Variants in HEMK2 observed in about 807,000 individuals in gnomAD.
HEMK2 encodes HemK methyltransferase 2, ETF1 glutamine and histone H4 lysine, also known as methyltransferase HEMK2.
At chr21:28,586,109 G>A in the HEMK2 span, among the ~76,000 whole-genome samples, 2 of 152,182 alleles carry the variant, frequency 1.3e-5, no homozygotes, top group Non-Finnish European at 2.9e-5. Context: ...GTGGGATAGA[G>A]AAATGGTGCA....
the HEMK2 span, among the ~76,000 whole-genome samples, chr21:28,675,560 T>C: frequency 5.3e-5 from 8 of 152,322 alleles, no homozygotes; most frequent in Middle Eastern, 3.4e-3. Flanking sequence ...GGGAACATTT[T>C]AACCTTGCTC....
the HEMK2 span, among the ~76,000 whole-genome samples, chr21:28,578,415 G>C: frequency 6.6e-6 from 1 of 152,160 alleles, no homozygotes; most frequent in African/African-American, 2.4e-5. Context: ...GGGGATGGTT[G>C]AACATCCAAC....
At chr21:28,837,001 C>T in the HEMK2 span, among the ~76,000 whole-genome samples, 13 of 152,082 alleles carry the variant, frequency 8.5e-5, no homozygotes, top group Admixed American at 8.5e-4. Flanking sequence ...AATCATAAAT[C>T]TGAAAATATA....
the HEMK2 span, among the ~76,000 whole-genome samples, chr21:28,817,298 T>C: frequency 6.6e-6 from 1 of 152,186 alleles, no homozygotes; most frequent in Non-Finnish European, 1.5e-5. Flanking sequence ...TTACCCTTTC[T>C]GAAATAGTTT....
chr21:28,882,587 G>T, the HEMK2 span, among the ~76,000 whole-genome samples: 5 of 142,166 alleles, frequency 3.5e-5, no homozygotes, highest in African/African-American at 1.0e-4. Flanking sequence ...TTTATGAGAC[G>T]AAATTAAATT....
chr21:28,794,244 A>G, the HEMK2 span, among the ~76,000 whole-genome samples: 1 of 152,238 alleles, frequency 6.6e-6, no homozygotes, highest in Non-Finnish European at 1.5e-5. Context: ...ACAATTTTCA[A>G]AGGTATTTTG....
At chr21:28,793,182 G>A in the HEMK2 span, among the ~76,000 whole-genome samples, 1 of 152,202 alleles carries the variant, frequency 6.6e-6, no homozygotes, top group East Asian at 1.9e-4. Flanking sequence ...GCCTTCTGAA[G>A]TGATGGTCTT....
chr21:28,797,272 GA>G, the HEMK2 span, among the ~76,000 whole-genome samples: 1 of 152,032 alleles, frequency 6.6e-6, no homozygotes, highest in East Asian at 1.9e-4. Context: ...TGAACCCAGT[GA>G]GGAAAAAGCT....
chr21:28,821,995 T>C, the HEMK2 span, among the ~76,000 whole-genome samples: 1 of 152,178 alleles, frequency 6.6e-6, no homozygotes, highest in Non-Finnish European at 1.5e-5. Flanking sequence ...AAAAGTGAGA[T>C]AAACACAAAT....
the HEMK2 span, among the ~76,000 whole-genome samples, chr21:28,646,184 G>A: frequency 1.3e-5 from 2 of 152,164 alleles, no homozygotes; most frequent in African/African-American, 2.4e-5. Context: ...TATAATATGA[G>A]CAGCATATGG....
At chr21:28,697,826 C>T in the HEMK2 span, among the ~76,000 whole-genome samples, 12 of 149,454 alleles carry the variant, frequency 8.0e-5, no homozygotes, top group Admixed American at 6.0e-4. Context: ...TACCCAGTCT[C>T]GGGTATTCCT....
the HEMK2 span, among the ~76,000 whole-genome samples, chr21:28,614,562 A>G: frequency 2.0e-5 from 3 of 152,188 alleles, no homozygotes; most frequent in South Asian, 4.1e-4. Context: ...AGACTTCGCC[A>G]TTTTCTTGGG....
the HEMK2 span, among the ~76,000 whole-genome samples, chr21:28,621,845 G>A: frequency 6.6e-6 from 1 of 152,230 alleles, no homozygotes; most frequent in South Asian, 2.1e-4. Context: ...CCATCTGGAT[G>A]TATATGTGCA....
chr21:28,751,108 G>A, the HEMK2 span, among the ~76,000 whole-genome samples: 336 of 152,000 alleles, frequency 2.2e-3, 1 homozygote, highest in African/African-American at 7.6e-3. Context: ...GCGAGCACCT[G>A]TAGTCCCAGC....
chr21:28,760,310 A>G, the HEMK2 span, among the ~76,000 whole-genome samples: 1 of 152,226 alleles, frequency 6.6e-6, no homozygotes, highest in African/African-American at 2.4e-5. Flanking sequence ...CAAGGCCTTC[A>G]TCACTTTCTA....
the HEMK2 span, among the ~76,000 whole-genome samples, chr21:28,732,393 T>C: frequency 3.3e-5 from 5 of 152,212 alleles, no homozygotes; most frequent in Non-Finnish European, 4.4e-5. Context: ...GAAGCACACA[T>C]GGTCTAGTGT....
At chr21:28,816,274 C>T in the HEMK2 span, among the ~76,000 whole-genome samples, 1 of 152,104 alleles carries the variant, frequency 6.6e-6, no homozygotes. Flanking sequence ...ATATTAACTA[C>T]CAGGAAAAAC....
At chr21:28,714,728 T>A in the HEMK2 span, among the ~76,000 whole-genome samples, 44 of 152,306 alleles carry the variant, frequency 2.9e-4, no homozygotes, top group African/African-American at 9.9e-4. Context: ...AGGTCTGGGA[T>A]ACAAATGATC....
the HEMK2 span, among the ~76,000 whole-genome samples, chr21:28,603,045 G>A: frequency 6.6e-6 from 1 of 152,174 alleles, no homozygotes; most frequent in Non-Finnish European, 1.5e-5. Flanking sequence ...AATCCACGAT[G>A]GTGAATTCTC....
Sources: gnomAD v4.1 joint callset for allele counts (sites outside exome capture counted in the v4.1 genomes callset) on GRCh38, gnomAD v4.1.1 for gene constraint, MANE v1.5 for transcripts, NCBI Gene and HGNC (gene_info 2026-07-23, HGNC 2026-07-21) for gene names.